The following VPS53 variants were observed in gnomAD, a reference collection of about 807,000 sequenced individuals.
VPS53 encodes VPS53 subunit of GARP complex, also known as vacuolar protein sorting-associated protein 53 homolog.
VPS53 carries 70 observed loss-of-function variants against 107.0 expected under a neutral mutation model. The observed-to-expected ratio is 0.65, with a 90% confidence interval of 0.54 to 0.80. VPS53 has a LOEUF of 0.80. Ranked by LOEUF, VPS53 falls within the 30% of genes least tolerant of loss-of-function variation. VPS53 has a pLI of 0.00. For missense variants in VPS53, 917 were observed against 1,049.4 expected (o/e 0.87, Z 1.74); for synonymous variants, 409 against 393.3 (o/e 1.04, Z -0.47).
chr17:547,874 C>T lies in VPS53; in HGVS notation c.1866+3998G>A, dbSNP rs145033144. 6.9e-4 allele frequency among the ~76,000 whole-genome samples: 105 copies of T among 152,220 alleles called. 1 individual carries two copies. The East Asian group carries it at 0.02, about 29-fold the overall frequency. ...CGAACTCCTAACCTCAGATGATTTG[C>T]ACTCCTCAGCCTCCCAAAGGAGTGA... On this transcript the variant is annotated intron_variant, in intron 17 of 21. Transcript: ENST00000437048.
chr17:565,285 C>T (rs1168866390), intron 13 of VPS53, among the ~76,000 whole-genome samples: 2 of 151,410 alleles, frequency 1.3e-5, no homozygotes, highest in East Asian at 3.9e-4. Flanking sequence ...TGCCTGTAAT[C>T]CCAGCTACTC....
intron 18 of VPS53, chr17:536,387 A>G (rs187103195): frequency 1.3e-5 from 2 of 152,304 alleles, no homozygotes; most frequent in Non-Finnish European, 2.9e-5. Flanking sequence ...CTTAAGAGGC[A>G]TTTATTAAGC....
chr17:644,593 T>C (rs1970603789), intron 7 of VPS53, among the ~76,000 whole-genome samples: 1 of 127,274 alleles, frequency 7.9e-6, no homozygotes, highest in Non-Finnish European at 1.9e-5. Flanking sequence ...TGTTATTTTT[T>C]TTTTTCCCCC....
At chr17:581,482 T>C (rs1209709071) in intron 13 of VPS53, among the ~76,000 whole-genome samples, 2 of 150,966 alleles carry the variant, frequency 1.3e-5, no homozygotes, top group Admixed American at 1.3e-4. Flanking sequence ...CAGAACATAA[T>C]GCGTTCCCAA....
intron 12 of VPS53, among the ~76,000 whole-genome samples, chr17:600,712 G>A (rs776309665): frequency 3.3e-5 from 5 of 152,186 alleles, no homozygotes; most frequent in Non-Finnish European, 5.9e-5. Context: ...TTGAGACCTG[G>A]CTTCCAGTTT....
At chr17:672,526 T>C (rs1160170143) in intron 4 of VPS53, among the ~76,000 whole-genome samples, 1 of 152,184 alleles carries the variant, frequency 6.6e-6, no homozygotes, top group Non-Finnish European at 1.5e-5. Context: ...TTGTTACTCA[T>C]CTTTTAGAGC....
At chr17:630,639 G>A (rs972617014) in intron 8 of VPS53, among the ~76,000 whole-genome samples, 1 of 152,138 alleles carries the variant, frequency 6.6e-6, no homozygotes, top group Non-Finnish European at 1.5e-5. Flanking sequence ...AGCTGGGGCC[G>A]CTACTCCCAC....
intron 12 of VPS53, among the ~76,000 whole-genome samples, chr17:591,685 G>A (rs926091682): frequency 3.3e-5 from 5 of 152,078 alleles, no homozygotes; most frequent in East Asian, 1.9e-4. Context: ...GTAGTTGAGC[G>A]GTTTTGAGTG....
chr17:522,253 G>A (rs1279411163), intron 19 of VPS53, among the ~76,000 whole-genome samples: 1 of 152,168 alleles, frequency 6.6e-6, no homozygotes, highest in Non-Finnish European at 1.5e-5. Flanking sequence ...GGGAGACCCT[G>A]CCTCAGTAAC....
chr17:616,847 T>C (rs951757392), intron 11 of VPS53, among the ~76,000 whole-genome samples: 6 of 152,218 alleles, frequency 3.9e-5, no homozygotes, highest in Non-Finnish European at 8.8e-5. Context: ...CTTACCACTT[T>C]TGGCCTTTGG....
At chr17:528,288 ATC>A (rs777450280) in intron 19 of VPS53, among the ~76,000 whole-genome samples, 4 of 152,110 alleles carry the variant, frequency 2.6e-5, no homozygotes, top group Non-Finnish European at 4.4e-5. Context: ...CCAACCATTA[ATC>A]CACTTTCTGT....
At chr17:696,930 T>C (rs981266604) in intron 4 of VPS53, among the ~76,000 whole-genome samples, 4 of 151,794 alleles carry the variant, frequency 2.6e-5, no homozygotes, top group South Asian at 2.1e-4. Context: ...GTAGCTGGGA[T>C]TACAGGCGTG....
chr17:601,972 A>T, intron 11 of VPS53, 76 bp from the exon 12 acceptor site: 1 of 1,120,488 alleles, frequency 8.9e-7, no homozygotes. Flanking sequence ...TGCTTTTTCT[A>T]GGTGTCTCCA....
chr17:546,870 C>CT lies in VPS53; in HGVS notation c.1866+5001dup, dbSNP rs60940748. 2.4e-3 allele frequency among the ~76,000 whole-genome samples: 197 copies of CT among 83,290 alleles called. 2 individuals are homozygous for CT. The highest frequency in any genetic ancestry group is 3.6e-3 in the Non-Finnish European group (162 of 45,226). 54.6% of individuals were successfully genotyped at this position (83,290 alleles called of 152,430 possible). A position where few individuals can be genotyped will look rare whatever the true frequency, so the allele number is the denominator to read the frequency against. ...TTCCATTCCTTAGGTCCCTTAGATC[C>CT]TTTTTTTTTTTTTTTTTTTTTTGAG... On this transcript the variant is annotated intron_variant, in intron 17 of 21. Coordinates refer to ENST00000437048, the MANE Select transcript of VPS53 (RefSeq NM_001128159.3).
chr17:550,309 G>C (rs989816739), intron 17 of VPS53, among the ~76,000 whole-genome samples: 1 of 152,166 alleles, frequency 6.6e-6, no homozygotes, highest in Non-Finnish European at 1.5e-5. Flanking sequence ...GTATAACCTA[G>C]ATAAATTGTT....
chr17:709,323 C>T (rs1973549086), intron 2 of VPS53, among the ~76,000 whole-genome samples: 1 of 152,224 alleles, frequency 6.6e-6, no homozygotes, highest in Non-Finnish European at 1.5e-5. Flanking sequence ...CTACACTAGA[C>T]TCCATAAGAC....
At chr17:566,485 T>C (rs960314096) in intron 13 of VPS53, among the ~76,000 whole-genome samples, 1 of 152,114 alleles carries the variant, frequency 6.6e-6, no homozygotes, top group African/African-American at 2.4e-5. Context: ...GTCATGCCAA[T>C]GAGTGGAGTG....
intron 4 of VPS53, among the ~76,000 whole-genome samples, chr17:686,940 A>G (rs1347081237): frequency 2.0e-5 from 3 of 151,814 alleles, no homozygotes; most frequent in African/African-American, 7.3e-5. Context: ...TGAGGCCAGG[A>G]GTTTGAGACT....
intron 11 of VPS53, among the ~76,000 whole-genome samples, chr17:617,365 C>T (rs1415070325): frequency 2.0e-5 from 3 of 152,362 alleles, no homozygotes; most frequent in African/African-American, 7.2e-5. Flanking sequence ...TCAGGAGAAA[C>T]TCAGGATTCC....
Sources: allele counts gnomAD v4.1 joint callset (sites outside exome capture counted in the v4.1 genomes callset), GRCh38; gene constraint gnomAD v4.1.1; transcripts MANE v1.5; gene names NCBI Gene and HGNC (gene_info 2026-07-23, HGNC 2026-07-21).